PDE1C: variants seen among roughly 807,000 people sequenced by gnomAD.
The protein encoded by PDE1C is phosphodiesterase 1C.
A neutral mutation model predicts 93.1 loss-of-function variants in PDE1C; 62 were observed. The ratio of observed to expected loss-of-function variants is 0.67; its 90% confidence interval spans 0.54 to 0.82. The LOEUF (loss-of-function observed/expected upper bound fraction) is 0.82, where lower values mean the gene tolerates loss of function less well. Among genes scored for constraint, PDE1C ranks in the 40% least tolerant of loss-of-function variants. PDE1C has a pLI of 0.00. For missense variants in PDE1C, 742 were observed against 884.6 expected (o/e 0.84, Z 2.04); for synonymous variants, 325 against 310.1 (o/e 1.05, Z -0.50).
chr7:31,864,996 G>A lies in PDE1C; in HGVS notation c.696C>T (p.His232=), dbSNP rs61734907. The A allele has an allele frequency of 1.2e-3, 1,906 of 1,614,020 alleles. 8 individuals are homozygous for A. In the African/African-American group the frequency reaches 0.013, roughly 11 times the overall value. Residue 232 remains histidine, a synonymous_variant, in exon 7 of 18, where the codon CAC becomes CAT. Coordinates refer to ENST00000396191, the MANE Select transcript of PDE1C (RefSeq NM_001191057.4). The part of the protein sequence containing the change: ...KHKNPYHNLM[H]AADVTQTVHY... ...GCACTGTCTGTGTAACATCGGCAGC[G>A]TGCATTAAGTTATGGTAAGGATTTT... is the stretch of plus-strand genomic sequence containing the variant.
At chr7:31,832,245 G>C (rs1207396299) in intron 11 of PDE1C, among the ~76,000 whole-genome samples, 2 of 152,150 alleles carry the variant, frequency 1.3e-5, no homozygotes, top group Non-Finnish European at 2.9e-5. Flanking sequence ...AATTGTAAGA[G>C]ATGTTTGCAA....
chr7:32,192,189 T>G (rs1262464257), intron 2 of PDE1C, among the ~76,000 whole-genome samples: 1 of 152,172 alleles, frequency 6.6e-6, no homozygotes, highest in Non-Finnish European at 1.5e-5. Flanking sequence ...AACAAAATCT[T>G]TCACAGAACA....
intron 7 of PDE1C, among the ~76,000 whole-genome samples, chr7:31,857,627 C>T (rs1016412): frequency 0.82 from 124,523 of 152,036 alleles, 51,793 homozygotes; most frequent in Non-Finnish European, 0.88. Flanking sequence ...AGAAGTCTCT[C>T]TGGACAGACC....
At chr7:32,049,687 T>C (rs1291443275) in intron 2 of PDE1C, among the ~76,000 whole-genome samples, 3 of 152,136 alleles carry the variant, frequency 2.0e-5, no homozygotes, top group Non-Finnish European at 4.4e-5. Flanking sequence ...TTAATTGCAT[T>C]AATGATTTTT....
intron 1 of PDE1C, among the ~76,000 whole-genome samples, chr7:32,368,070 C>T (rs1329248189): frequency 1.3e-5 from 2 of 152,038 alleles, no homozygotes; most frequent in African/African-American, 4.8e-5. Flanking sequence ...ACACTGAATG[C>T]CTGGAACAAG....
intron 2 of PDE1C, among the ~76,000 whole-genome samples, chr7:31,992,930 T>C (rs1350490329): frequency 2.0e-5 from 3 of 152,204 alleles, no homozygotes; most frequent in African/African-American, 7.2e-5. Context: ...TGGCATTTTA[T>C]ATGGAACATA....
intron 17 of PDE1C, among the ~76,000 whole-genome samples, chr7:31,757,739 C>A (rs1428730334): frequency 6.6e-6 from 1 of 152,172 alleles, no homozygotes; most frequent in African/African-American, 2.4e-5. Flanking sequence ...GACAGTGTGG[C>A]AATTCCTCAA....
chr7:31,681,382 T>C, the PDE1C span, among the ~76,000 whole-genome samples: 3,082 of 143,138 alleles, frequency 0.022, 110 homozygotes, highest in African/African-American at 0.082. Context: ...GATGGATGGA[T>C]GGATGGATGG....
At chr7:32,225,022 TAAA>T (rs58376421) in intron 1 of PDE1C, among the ~76,000 whole-genome samples, 11 of 100,804 alleles carry the variant, frequency 1.1e-4, no homozygotes, top group African/African-American at 2.3e-4. Context: ...CTTTCTTATT[TAAA>T]AAAAAAAAAA....
At chr7:31,651,060 T>A in the PDE1C span, 1 of 1,489,676 alleles carries the variant, frequency 6.7e-7, no homozygotes, top group South Asian at 1.4e-5. Context: ...GGATCCCAAA[T>A]GGGAAGACAG....
intron 3 of PDE1C, among the ~76,000 whole-genome samples, chr7:32,163,422 C>T (rs1215450323): frequency 6.6e-6 from 1 of 152,202 alleles, no homozygotes; most frequent in Non-Finnish European, 1.5e-5. Context: ...ATGGAAAACA[C>T]AATCCATTAA....
At chr7:32,268,287 G>C (rs1057321664) in intron 1 of PDE1C, among the ~76,000 whole-genome samples, 1 of 152,202 alleles carries the variant, frequency 6.6e-6, no homozygotes, top group East Asian at 1.9e-4. Context: ...CTTGGAGTCA[G>C]ACCTGGGTTT....
At position 31,989,076 on chromosome 7, in the gene PDE1C, G is replaced by C. The variant is rs145663867; in HGVS notation, c.128+62478C>G. Reference sequence around the variant, plus strand: ...AGAAAAAATAGAGAAGAAAGAAAGAGAGAGAGAAAGAAACAAAGAAAGAAA... The same window carrying C: ...AGAAAAAATAGAGAAGAAAGAAAGACAGAGAGAAAGAAACAAAGAAAGAAA... On this transcript the variant is annotated intron_variant, in intron 2 of 17. Coordinates refer to ENST00000396191, the MANE Select transcript of PDE1C (RefSeq NM_001191057.4). Among the ~76,000 whole-genome samples the C allele has an allele frequency of 6.7e-3, 991 of 146,846 alleles. 7 individuals are homozygous for C. Among genetic ancestry groups the C allele is most frequent in the Non-Finnish European group, 0.011 (735 of 66,746 alleles).
the PDE1C span, among the ~76,000 whole-genome samples, chr7:31,685,668 T>C: frequency 1.6e-4 from 24 of 152,300 alleles, 1 homozygote; most frequent in Admixed American, 9.1e-4. Context: ...CGTTTACCTA[T>C]GTAACAAACC....
At chr7:31,944,714 AC>A (rs1024265016) in intron 2 of PDE1C, among the ~76,000 whole-genome samples, 2 of 152,218 alleles carry the variant, frequency 1.3e-5, no homozygotes, top group Non-Finnish European at 2.9e-5. Context: ...AGTTTTAAGA[AC>A]ATATATTTCC....
chr7:32,272,646 T>C (rs1038198135), intron 1 of PDE1C, among the ~76,000 whole-genome samples: 2 of 152,184 alleles, frequency 1.3e-5, no homozygotes, highest in Non-Finnish European at 2.9e-5. Flanking sequence ...GCAAACAGAA[T>C]TCTATGTTTG....
chr7:31,771,888 TAC>T (rs1234477330), intron 17 of PDE1C, among the ~76,000 whole-genome samples: 1 of 151,890 alleles, frequency 6.6e-6, no homozygotes, highest in Non-Finnish European at 1.5e-5. Flanking sequence ...ACCCCGTCTC[TAC>T]AAAAAATTAG....
In PDE1C at chr7:31,751,395, G is replaced by A. The variant is rs1794132841; in HGVS notation, c.*1989C>T. On this transcript the variant is annotated 3_prime_UTR_variant, in exon 18 of 18. Coordinates refer to ENST00000396191, the MANE Select transcript of PDE1C (RefSeq NM_001191057.4). ...CCAGGAACATGGCTTCCAACATCAA[G>A]AAGCACAGCCAAGAAAACACAGCCT... is the stretch of plus-strand genomic sequence containing the variant. 6.6e-6 allele frequency: 1 copy of A among 152,110 alleles called. No individual in the cohort carries two copies. The allele number at this position is 152,110 out of a possible 1,614,324, so 9.4% of individuals were successfully genotyped here.
intron 2 of PDE1C, among the ~76,000 whole-genome samples, chr7:32,020,108 C>G (rs902819391): frequency 5.7e-4 from 86 of 152,110 alleles, no homozygotes; most frequent in Non-Finnish European, 1.1e-3. Context: ...ATCCCTCAGG[C>G]TCTCAAGTGG....
Sources: gnomAD v4.1 joint callset for allele counts (sites outside exome capture counted in the v4.1 genomes callset) on GRCh38, gnomAD v4.1.1 for gene constraint, MANE v1.5 for transcripts, NCBI Gene and HGNC (gene_info 2026-07-23, HGNC 2026-07-21) for gene names.